Variants in EPC2 observed in about 807,000 individuals in gnomAD.
EPC2 encodes the protein enhancer of polycomb 2.
A neutral mutation model predicts 92.1 loss-of-function variants in EPC2; 14 were observed. The observed-to-expected ratio is 0.15, with a 90% CI of 0.10 to 0.24. The LOEUF is 0.24. EPC2 is among the 10% of genes least tolerant of loss of function. The probability of loss-of-function intolerance (pLI) is 1.00; values close to 1 mark genes in which losing one functional copy is unlikely to be tolerated. For synonymous variants in EPC2, 340 were observed against 334.7 expected, an observed-to-expected ratio of 1.02 and a Z score of -0.17; for missense variants, 755 against 971.5, an observed-to-expected ratio of 0.78 and a Z score of 2.96.
At chr2:148,646,128 C>G (rs1683796290) in intron 1 of EPC2, among the ~76,000 whole-genome samples, 1 of 152,086 alleles carries the variant, frequency 6.6e-6, no homozygotes, top group Non-Finnish European at 1.5e-5. Flanking sequence ...GTAACTGCAC[C>G]CTCAAGAATT....
chr2:148,736,664 A>G (rs940904610), intron 2 of EPC2, among the ~76,000 whole-genome samples: 33 of 152,046 alleles, frequency 2.2e-4, no homozygotes, highest in African/African-American at 8.0e-4. Flanking sequence ...AGCCTTCCAC[A>G]CTTTTTTCTA....
At chr2:148,721,583 A>G (rs568650305) in intron 2 of EPC2, among the ~76,000 whole-genome samples, 70 of 151,928 alleles carry the variant, frequency 4.6e-4, no homozygotes, top group African/African-American at 1.5e-3. Flanking sequence ...AGCTTCCTCA[A>G]TCTGTGGTTT....
chr2:148,704,459 G>A (rs1681953591), intron 2 of EPC2, among the ~76,000 whole-genome samples: 1 of 152,144 alleles, frequency 6.6e-6, no homozygotes, highest in African/African-American at 2.4e-5. Context: ...GCAACATTAT[G>A]AATGTATTTA....
chr2:148,691,007 G>A (rs1181528992), intron 2 of EPC2, among the ~76,000 whole-genome samples: 1 of 152,144 alleles, frequency 6.6e-6, no homozygotes, highest in Non-Finnish European at 1.5e-5. Flanking sequence ...CCCAGGAGTA[G>A]TCTTCTGAAA....
At chr2:148,710,483 G>C (rs1255497166) in intron 2 of EPC2, among the ~76,000 whole-genome samples, 5 of 152,200 alleles carry the variant, frequency 3.3e-5, no homozygotes, top group African/African-American at 1.2e-4. Flanking sequence ...ATTTGACCCA[G>C]CCATCCCATT....
intron 2 of EPC2, among the ~76,000 whole-genome samples, chr2:148,732,855 T>A (rs557674654): frequency 6.6e-6 from 1 of 151,988 alleles, no homozygotes; most frequent in South Asian, 2.1e-4. Flanking sequence ...TTTTTAGGAA[T>A]ATCTATCATG....
chr2:148,690,097 A>G (rs998824169), intron 1 of EPC2, 117 bp from the exon 2 acceptor site: 5 of 1,008,818 alleles, frequency 5.0e-6, no homozygotes, highest in Admixed American at 6.7e-5. Flanking sequence ...CAAAGGAACT[A>G]TTTATAATTG....
chr2:148,777,711 C>G (rs1027113329), intron 10 of EPC2, among the ~76,000 whole-genome samples: 3 of 152,030 alleles, frequency 2.0e-5, no homozygotes, highest in Non-Finnish European at 4.4e-5. Context: ...GAACCACACA[C>G]CTAAAAGGCA....
chr2:148,774,089 A>G (rs968765128), intron 10 of EPC2, among the ~76,000 whole-genome samples: 1 of 152,186 alleles, frequency 6.6e-6, no homozygotes, highest in African/African-American at 2.4e-5. Context: ...ACACTGAGCT[A>G]AACAGATTAT....
At chr2:148,680,020 A>C (rs1216688270) in intron 1 of EPC2, among the ~76,000 whole-genome samples, 1 of 152,052 alleles carries the variant, frequency 6.6e-6, no homozygotes, top group Non-Finnish European at 1.5e-5. Context: ...TTGGTGTTCC[A>C]ACTTGGGATT....
At chr2:148,786,149 T>C (rs115553659) in intron 13 of EPC2, among the ~76,000 whole-genome samples, 156 bp from the exon 14 acceptor site, 3,989 of 152,340 alleles carry the variant, frequency 0.026, 59 homozygotes, top group East Asian at 0.032. Flanking sequence ...GAAAAGTTTT[T>C]CTCATTCCTA....
chr2:148,766,579 C>G (rs1448783209), intron 7 of EPC2, among the ~76,000 whole-genome samples: 1 of 152,080 alleles, frequency 6.6e-6, no homozygotes, highest in African/African-American at 2.4e-5. Flanking sequence ...ATATAGTGCC[C>G]TACAAAAGAG....
intron 1 of EPC2, among the ~76,000 whole-genome samples, chr2:148,686,136 A>G (rs1022506963): frequency 3.9e-5 from 6 of 152,348 alleles, no homozygotes; most frequent in African/African-American, 1.2e-4. Context: ...TCAAAATTGC[A>G]TTCTCAAACC....
chr2:148,741,444 A>T (rs993454576), intron 2 of EPC2, among the ~76,000 whole-genome samples: 2 of 152,192 alleles, frequency 1.3e-5, no homozygotes. Context: ...TTTACTGATT[A>T]TAAAGCAAAT....
At chr2:148,686,897 T>C (rs189032929) in intron 1 of EPC2, among the ~76,000 whole-genome samples, 1 of 152,332 alleles carries the variant, frequency 6.6e-6, no homozygotes, top group African/African-American at 2.4e-5. Flanking sequence ...AAATGAGCAT[T>C]GACTACAATT....
chr2:148,657,064 A>C (rs1207525524), intron 1 of EPC2, among the ~76,000 whole-genome samples: 1 of 152,058 alleles, frequency 6.6e-6, no homozygotes, highest in Non-Finnish European at 1.5e-5. Flanking sequence ...AGAGTTATTA[A>C]GAGAGTTGAA....
At chr2:148,665,011 T>C (rs1681030947) in intron 1 of EPC2, among the ~76,000 whole-genome samples, 1 of 152,240 alleles carries the variant, frequency 6.6e-6, no homozygotes, top group Non-Finnish European at 1.5e-5. Flanking sequence ...AAACCATTTT[T>C]CAGAGTGGTT....
At chr2:148,728,338 T>G (rs1205402397) in intron 2 of EPC2, among the ~76,000 whole-genome samples, 3 of 152,186 alleles carry the variant, frequency 2.0e-5, no homozygotes, top group Admixed American at 6.5e-5. Flanking sequence ...TAATATAGTC[T>G]CAAAATTATC....
intron 1 of EPC2, among the ~76,000 whole-genome samples, chr2:148,656,025 G>GTGT (rs551078218): frequency 9.0e-4 from 93 of 103,182 alleles, no homozygotes; most frequent in African/African-American, 2.4e-3. Context: ...GTGTGTGTGT[G>GTGT]GGGGGGGGGG....
Sources: allele counts gnomAD v4.1 joint callset (sites outside exome capture counted in the v4.1 genomes callset), GRCh38; gene constraint gnomAD v4.1.1; transcripts MANE v1.5; gene names NCBI Gene and HGNC (gene_info 2026-07-23, HGNC 2026-07-21).